The following ITPK1 variants were observed in gnomAD, a reference collection of about 807,000 sequenced individuals.
ITPK1 encodes inositol 1,3,4-trisphosphate 5/6-kinase.
ITPK1 carries 21 observed loss-of-function variants against 45.3 expected under a neutral mutation model. The ratio of observed to expected loss-of-function variants is 0.46; its 90% CI spans 0.33 to 0.67. The LOEUF is 0.67. Among genes scored for constraint, ITPK1 ranks in the 30% least tolerant of loss-of-function variants. The probability of loss-of-function intolerance (pLI) is 0.02; values close to 1 mark genes in which losing one functional copy is unlikely to be tolerated. For missense variants in ITPK1, 474 were observed against 573.5 expected (o/e 0.83, Z 1.77); for synonymous variants, 258 against 253.6 (o/e 1.02, Z -0.16).
At chr14:93,025,900 G>A (rs1888709448) in intron 3 of ITPK1, among the ~76,000 whole-genome samples, 1 of 152,206 alleles carries the variant, frequency 6.6e-6, no homozygotes, top group African/African-American at 2.4e-5. Flanking sequence ...GGTTGAGGCA[G>A]GTGGATCGCC....
rs1434375754 is a variant in ITPK1, at chr14:93,034,040, G to C, written c.121-17239C>G. 6.6e-6 allele frequency among the ~76,000 whole-genome samples: 1 copy of C among 152,118 alleles called. No individual in the cohort carries two copies. Among genetic ancestry groups the C allele is most frequent in the Admixed American group, 6.5e-5 (1 of 15,280 alleles). Reference sequence around the variant, plus strand: ...CCTTTTTCCAAACTCAGGAATGGGGGAGAAAGAGTGGGCTCTGATGCTGGG... The same window carrying C: ...CCTTTTTCCAAACTCAGGAATGGGGCAGAAAGAGTGGGCTCTGATGCTGGG... On this transcript the variant is annotated intron_variant, in intron 3 of 10. Transcript: ENST00000267615. This position sits in a 1 kb window ranked among gnomAD's most constrained non-coding sequence, Gnocchi z 4.1.
chr14:92,938,692 C>T lies in ITPK1; in HGVS notation c.*2869G>A, dbSNP rs1396389195. 15 of 636,664 alleles carry T rather than the reference C, an allele frequency of 2.4e-5. No individual in the cohort carries two copies. The highest frequency in any genetic ancestry group is 5.4e-5 in the African/African-American group (3 of 55,106). The allele number at this position is 636,664 out of a possible 1,614,324, so 39.4% of individuals were successfully genotyped here. ...GACTGCAGGCCCAGCCCACCCACCA[C>T]GTGTGGACCCAGACACCTCCATGAC... On this transcript the variant is annotated 3_prime_UTR_variant, in exon 11 of 11. Coordinates refer to ENST00000267615, the MANE Select transcript of ITPK1 (RefSeq NM_014216.6).
intron 10 of ITPK1, among the ~76,000 whole-genome samples, chr14:92,944,416 C>T (rs1035837886): frequency 2.0e-5 from 3 of 152,120 alleles, no homozygotes; most frequent in African/African-American, 7.2e-5. Context: ...CTTCTCTTGG[C>T]TTCTCTGGAA....
At chr14:93,067,913 T>TA (rs1200329531) in intron 3 of ITPK1, 4 of 149,036 alleles carry the variant, frequency 2.7e-5, no homozygotes, top group East Asian at 2.0e-4. Context: ...TCAAATTTTT[T>TA]AAAAAAACCA....
intron 3 of ITPK1, among the ~76,000 whole-genome samples, chr14:93,025,499 C>T (rs944658894): frequency 6.6e-6 from 1 of 152,198 alleles, no homozygotes; most frequent in Non-Finnish European, 1.5e-5. Flanking sequence ...CTTAAATCCA[C>T]CGGGAGTTGT....
chr14:92,988,215 G>A lies in ITPK1; in HGVS notation c.364+5665C>T, dbSNP rs895647221. Among the ~76,000 whole-genome samples the A allele has an allele frequency of 9.8e-5, 15 of 152,316 alleles. No homozygotes were observed. The South Asian group carries it at 1.7e-3, about 17-fold the overall frequency. On this transcript the variant is annotated intron_variant, in intron 5 of 10. Transcript: ENST00000267615. ...CATTCCAGACCCTTCGATGGGGCAC[G>A]CTGTCCCCTCACCTCAGCCCTGTGG...
At chr14:93,078,177 T>C (rs974746159) in intron 2 of ITPK1, among the ~76,000 whole-genome samples, 3 of 152,220 alleles carry the variant, frequency 2.0e-5, no homozygotes, top group Non-Finnish European at 2.9e-5. Context: ...CTCCACAGTC[T>C]GGGCCCTTGA....
At chr14:93,090,087 T>G (rs2140004552) in intron 2 of ITPK1, among the ~76,000 whole-genome samples, 1 of 152,104 alleles carries the variant, frequency 6.6e-6, no homozygotes, top group African/African-American at 2.4e-5. Context: ...ACATGGCTCA[T>G]CACCCCCCAG....
chr14:92,973,564 A>G (rs2402227), intron 5 of ITPK1, among the ~76,000 whole-genome samples: 149,874 of 152,372 alleles, frequency 0.98, 73,722 homozygotes, highest in East Asian at 1. Flanking sequence ...TATGCAGTTA[A>G]GGGGCGGGAG....
At chr14:93,005,142 G>A (rs1329603400) in intron 4 of ITPK1, among the ~76,000 whole-genome samples, 1 of 152,120 alleles carries the variant, frequency 6.6e-6, no homozygotes, top group Admixed American at 6.6e-5. Flanking sequence ...GATGGAGCTG[G>A]GGATGGATGC....
At chr14:93,067,557 A>G (rs934463498) in intron 3 of ITPK1, 12 of 152,314 alleles carry the variant, frequency 7.9e-5, no homozygotes, top group East Asian at 1.9e-4. Context: ...TATTTCTAAC[A>G]GCAAACCTAA....
At chr14:93,018,171 G>A (rs1888283699) in intron 3 of ITPK1, among the ~76,000 whole-genome samples, 1 of 152,178 alleles carries the variant, frequency 6.6e-6, no homozygotes, top group African/African-American at 2.4e-5. Flanking sequence ...AAGGAGAGAG[G>A]GAGGGAATGT....
intron 2 of ITPK1, among the ~76,000 whole-genome samples, chr14:93,095,009 G>T (rs1892015815): frequency 6.6e-6 from 1 of 152,238 alleles, no homozygotes; most frequent in South Asian, 2.1e-4. Flanking sequence ...ACCACCTGTG[G>T]AAAGCTTTCT....
At chr14:92,974,873 G>A (rs1364595850) in intron 5 of ITPK1, among the ~76,000 whole-genome samples, 2 of 152,254 alleles carry the variant, frequency 1.3e-5, no homozygotes, top group Non-Finnish European at 2.9e-5. Context: ...GTCACATGAG[G>A]ACTGTGGTCA....
intron 5 of ITPK1, among the ~76,000 whole-genome samples, chr14:92,988,267 C>G (rs1156831180): frequency 6.6e-6 from 1 of 152,182 alleles, no homozygotes; most frequent in East Asian, 1.9e-4. Flanking sequence ...CTGGGGGAGG[C>G]ATGGGCAGGT....
chr14:92,996,999 GA>G (rs1887087132), intron 4 of ITPK1, among the ~76,000 whole-genome samples: 1 of 152,200 alleles, frequency 6.6e-6, no homozygotes, highest in African/African-American at 2.4e-5. Flanking sequence ...TGAGAAAATG[GA>G]GAGTGTATTT....
At chr14:92,993,825 T>C in intron 5 of ITPK1, 55 bp downstream of exon 5, 3 of 1,173,770 alleles carry the variant, frequency 2.6e-6, no homozygotes, top group Non-Finnish European at 3.9e-6. Flanking sequence ...CGTGGCCACT[T>C]TGTGACCACA....
At chr14:92,991,361 C>G (rs1338638253) in intron 5 of ITPK1, among the ~76,000 whole-genome samples, 1 of 152,122 alleles carries the variant, frequency 6.6e-6, no homozygotes, top group African/African-American at 2.4e-5. Flanking sequence ...AGAATACAAG[C>G]CCAGGCTCGG....
At chr14:92,974,034 A>T (rs1885800575) in intron 5 of ITPK1, among the ~76,000 whole-genome samples, 1 of 152,162 alleles carries the variant, frequency 6.6e-6, no homozygotes, top group Non-Finnish European at 1.5e-5. Flanking sequence ...CCTCCTGCAG[A>T]TTGGCAGAGC....
Sources: gnomAD v4.1 joint callset for allele counts (sites outside exome capture counted in the v4.1 genomes callset) on GRCh38, gnomAD v4.1.1 for gene constraint, Gnocchi (gnomAD v3.1) non-coding constraint, MANE v1.5 for transcripts, NCBI Gene and HGNC (gene_info 2026-07-23, HGNC 2026-07-21) for gene names.